CHD6: variants seen among roughly 807,000 people sequenced by gnomAD.
CHD6 encodes the protein ATP-dependent chromatin remodeler CHD6.
Under a neutral mutation model 276.9 loss-of-function variants are expected in CHD6, and 50 were observed. The ratio of observed to expected loss-of-function variants is 0.18; its 90% CI spans 0.14 to 0.23. The LOEUF is 0.23. Among genes scored for constraint, CHD6 ranks in the 10% least tolerant of loss-of-function variants. The probability of loss-of-function intolerance (pLI) is 1.00; values close to 1 mark genes in which losing one functional copy is unlikely to be tolerated. For missense variants in CHD6, 2,564 were observed against 3,365.8 expected (o/e 0.76, Z 5.89); for synonymous variants, 1,173 against 1,229.3 (o/e 0.95, Z 0.96).
chr20:41,616,919 G>T (rs2146318074), intron 1 of CHD6, among the ~76,000 whole-genome samples: 1 of 152,204 alleles, frequency 6.6e-6, no homozygotes, highest in South Asian at 2.1e-4. Flanking sequence ...AAGTTACACA[G>T]CTCACATCAG....
Position 41,404,999 on chromosome 20 carries a change from T to C in CHD6, c.7742A>G (p.Asp2581Gly). Reference protein sequence around the residue: ...DKPSSHDVKTDTLAEDKPGPG... With the variant: ...DKPSSHDVKTGTLAEDKPGPG... ...ACCAGGCTTGTCCTCAGCTAAAGTG[T>C]CTGTTTTCACATCATGGCTACTCGG... Residue 2581 changes from aspartate to glycine, a missense_variant, in exon 37 of 37, where the codon GAC (aspartate) becomes GGC (glycine). Transcript: ENST00000373233. 4 of 1,614,214 alleles carry C rather than the reference T, an allele frequency of 2.5e-6. No individual in the cohort carries two copies. The highest frequency in any genetic ancestry group is 3.4e-6 in the Non-Finnish European group (4 of 1,180,044).
Position 41,512,881 on chromosome 20 carries a change from C to G in CHD6, c.817G>C (p.Ala273Pro). 1 of 1,614,068 alleles carries G rather than the reference C, an allele frequency of 6.2e-7. No individual in the cohort carries two copies. The highest frequency in any genetic ancestry group is 8.5e-7 in the Non-Finnish European group (1 of 1,179,948). Residue 273 changes from alanine (A) to proline (P), a missense_variant, in exon 5 of 37, where the codon GCA becomes CCA. By Grantham distance (27) the Ala-to-Pro change is conservative. This residue lies in a region of CHD6 where 457 missense variants were observed against 889.0 expected (regional missense o/e 0.51). Coordinates refer to ENST00000373233, the MANE Select transcript of CHD6 (RefSeq NM_032221.5). ...IAVLGAGRTS[A>P]LSASTLAWQA... ...CAGGCCAGTGTAGAGGCTGAGAGTG[C>G]AGATGTTCGACCAGCTCCAAGAACA...
At chr20:41,535,320 A>C (rs2044803698) in intron 2 of CHD6, among the ~76,000 whole-genome samples, 1 of 152,198 alleles carries the variant, frequency 6.6e-6, no homozygotes, top group African/African-American at 2.4e-5. Context: ...ATGTTTCATG[A>C]CCTGTAATCT....
At chr20:41,425,576 A>G (rs1225247400) in intron 28 of CHD6, among the ~76,000 whole-genome samples, 182 bp from the exon 29 acceptor site, 1 of 152,238 alleles carries the variant, frequency 6.6e-6, no homozygotes, top group Non-Finnish European at 1.5e-5. Context: ...CCTTGGATAC[A>G]GCTTATGTTG....
rs140279092 is a variant in CHD6 at position 41,531,730 on chromosome 20, T to G, written c.554+1320A>C. ...GAACATTATGAGGCAAAATTTTAAT[T>G]TGGATTAAGAAACTATCCATCTGGT... On this transcript the variant is annotated intron_variant, in intron 3 of 36. Coordinates refer to ENST00000373233, the MANE Select transcript of CHD6 (RefSeq NM_032221.5). Among the ~76,000 whole-genome samples, 366 of 152,320 alleles carry G rather than the reference T, an allele frequency of 2.4e-3. 2 individuals carry two copies. The highest frequency in any genetic ancestry group is 3.4e-3 in the Middle Eastern group (1 of 294).
chr20:41,518,869 A>T (rs2044315231), intron 3 of CHD6, among the ~76,000 whole-genome samples: 1 of 152,202 alleles, frequency 6.6e-6, no homozygotes, highest in South Asian at 2.1e-4. Flanking sequence ...AAAAAGTTTT[A>T]AAAACCTTAT....
intron 1 of CHD6, among the ~76,000 whole-genome samples, chr20:41,613,497 C>CCATGTGAT (rs1334829629): frequency 6.6e-6 from 1 of 152,174 alleles, no homozygotes; most frequent in East Asian, 1.9e-4. Flanking sequence ...CGAATGGCTT[C>CCATGTGAT]CATGTGATCA....
chr20:41,586,946 T>TGAG (rs1449662977), intron 1 of CHD6, among the ~76,000 whole-genome samples: 1 of 152,136 alleles, frequency 6.6e-6, no homozygotes, highest in Non-Finnish European at 1.5e-5. Context: ...CAATATCATG[T>TGAG]GAGGAGGAGG....
At chr20:41,483,214 T>G in intron 16 of CHD6, 95 bp downstream of exon 16, 1 of 1,126,340 alleles carries the variant, frequency 8.9e-7, no homozygotes, top group Non-Finnish European at 1.2e-6. Context: ...TTTTGAATGT[T>G]TTGTGTTTAA....
chr20:41,450,059 G>A (rs2048188486), intron 23 of CHD6, among the ~76,000 whole-genome samples: 1 of 152,154 alleles, frequency 6.6e-6, no homozygotes, highest in African/African-American at 2.4e-5. Flanking sequence ...TATTGGGCAT[G>A]AGACTTATCT....
chr20:41,496,620 T>C (rs923216664), intron 8 of CHD6, among the ~76,000 whole-genome samples: 1 of 152,236 alleles, frequency 6.6e-6, no homozygotes, highest in Admixed American at 6.5e-5. Context: ...CCAAAGGCAG[T>C]GTTGAACTAC....
chr20:41,517,821 C>A (rs2044288331), intron 3 of CHD6, among the ~76,000 whole-genome samples: 1 of 152,200 alleles, frequency 6.6e-6, no homozygotes, highest in South Asian at 2.1e-4. Flanking sequence ...AGCAGCAGGG[C>A]AGAGGCTTAC....
chr20:41,512,752 G>A (rs1398191069), intron 5 of CHD6, 94 bp downstream of exon 5: 42 of 1,426,652 alleles, frequency 2.9e-5, no homozygotes, highest in Non-Finnish European at 4.0e-5. Context: ...AAAATGATCT[G>A]ACTTATGCTT....
intron 36 of CHD6, among the ~76,000 whole-genome samples, chr20:41,407,542 G>C (rs2046716226): frequency 6.6e-6 from 1 of 152,230 alleles, no homozygotes; most frequent in Non-Finnish European, 1.5e-5. Context: ...TGGCAGCCCA[G>C]GCATTTCCCA....
chr20:41,434,219 A>G (rs1351804572), intron 27 of CHD6, among the ~76,000 whole-genome samples: 2 of 152,242 alleles, frequency 1.3e-5, no homozygotes, highest in East Asian at 3.8e-4. Flanking sequence ...GTAAAATAAT[A>G]AAAAAGTTAT....
intron 1 of CHD6, among the ~76,000 whole-genome samples, chr20:41,612,607 T>G (rs907872776): frequency 6.6e-6 from 1 of 152,204 alleles, no homozygotes; most frequent in African/African-American, 2.4e-5. Context: ...TAATAAAGTC[T>G]CTGTGTTAAA....
chr20:41,510,408 T>C (rs2044089951), intron 5 of CHD6, among the ~76,000 whole-genome samples: 1 of 152,206 alleles, frequency 6.6e-6, no homozygotes, highest in Non-Finnish European at 1.5e-5. Context: ...CCCTCACTGG[T>C]TGTGTAGCCT....
At chr20:41,567,529 G>A (rs185031541) in intron 1 of CHD6, among the ~76,000 whole-genome samples, 1 of 151,932 alleles carries the variant, frequency 6.6e-6, no homozygotes, top group Non-Finnish European at 1.5e-5. Context: ...TTCCCTTGCT[G>A]TTGTCATGTA....
chr20:41,498,833 G>A (rs866907148), intron 6 of CHD6, among the ~76,000 whole-genome samples: 29 of 125,500 alleles, frequency 2.3e-4, no homozygotes, highest in African/African-American at 7.1e-4. Flanking sequence ...GTGTGTGTGT[G>A]TGTGTGTGTG....
Sources: allele counts gnomAD v4.1 joint callset (sites outside exome capture counted in the v4.1 genomes callset), GRCh38; gene constraint gnomAD v4.1.1; regional missense constraint gnomAD v4.1.1; transcripts MANE v1.5; gene names NCBI Gene and HGNC (gene_info 2026-07-23, HGNC 2026-07-21).